The following AGBL3 variants were observed in gnomAD, a reference collection of about 807,000 sequenced individuals.
The protein encoded by AGBL3 is AGBL carboxypeptidase 3.
In AGBL3, 68 loss-of-function variants were observed where a neutral mutation model predicts 94.5. That is an observed-to-expected ratio of 0.72 (90% CI 0.59 to 0.88). AGBL3 has a LOEUF of 0.88. Among genes scored for constraint, AGBL3 ranks in the 40% least tolerant of loss-of-function variants. The pLI is 0.00. For missense variants in AGBL3, 934 were observed against 1,103.8 expected (o/e 0.85, Z 2.18); for synonymous variants, 354 against 370.7 (o/e 0.95, Z 0.52).
chr7:135,065,958 C>G (rs1325517337), intron 12 of AGBL3, among the ~76,000 whole-genome samples: 1 of 152,092 alleles, frequency 6.6e-6, no homozygotes, highest in Non-Finnish European at 1.5e-5. Context: ...GACCTTTATA[C>G]TACACACAAA....
chr7:135,117,281 T>C (rs1313383830), intron 16 of AGBL3, among the ~76,000 whole-genome samples: 1 of 152,226 alleles, frequency 6.6e-6, no homozygotes, highest in Non-Finnish European at 1.5e-5. Flanking sequence ...ATTTAAGGTA[T>C]GTAAATCATC....
At chr7:135,027,303 C>A (rs1313401850) in intron 5 of AGBL3, among the ~76,000 whole-genome samples, 1 of 151,722 alleles carries the variant, frequency 6.6e-6, no homozygotes, top group Non-Finnish European at 1.5e-5. Context: ...CCACCTTGGC[C>A]TTCCAAAGTG....
At chr7:135,052,309 A>G (rs1817950399) in intron 11 of AGBL3, among the ~76,000 whole-genome samples, 1 of 152,186 alleles carries the variant, frequency 6.6e-6, no homozygotes, top group South Asian at 2.1e-4. Flanking sequence ...ATTTTTCAGT[A>G]CATAGGGGTT....
intron 16 of AGBL3, among the ~76,000 whole-genome samples, chr7:135,116,131 G>T (rs1014620028): frequency 6.6e-6 from 1 of 152,146 alleles, no homozygotes; most frequent in Non-Finnish European, 1.5e-5. Flanking sequence ...ATTATCAACA[G>T]ATTTTTATAA....
chr7:135,061,628 AT>A (rs2116704795), intron 12 of AGBL3, among the ~76,000 whole-genome samples: 1 of 152,246 alleles, frequency 6.6e-6, no homozygotes, highest in East Asian at 1.9e-4. Context: ...TCCTAACAGC[AT>A]TTATTGAAGA....
At position 134,987,997 on chromosome 7, in the gene AGBL3, GTA is replaced by G. The variant is rs1809688044; in HGVS notation, c.63+3_63+4del. ...AACAATCAGTGATGAAGATGAATCGGTATGTTTTTCTCAACTTTATTTTACTT... is the reference window on the plus strand; with the variant it reads ...AACAATCAGTGATGAAGATGAATCGGTGTTTTTCTCAACTTTATTTTACTT... On this transcript the variant is annotated splice_donor_variant and splice_donor_region_variant and intron_variant, in intron 2 of 16. Coordinates refer to ENST00000436302, the MANE Select transcript of AGBL3 (RefSeq NM_178563.4). LOFTEE classifies it high-confidence loss of function. 1.3e-6 allele frequency: 2 copies of G among 1,536,260 alleles called. No individual in the cohort carries two copies. The highest frequency in any genetic ancestry group is 2.8e-5 in the African/African-American group (2 of 72,430).
intron 11 of AGBL3, among the ~76,000 whole-genome samples, chr7:135,047,645 T>C (rs116884236): frequency 6.6e-6 from 1 of 152,188 alleles, no homozygotes; most frequent in Non-Finnish European, 1.5e-5. Flanking sequence ...CTTTTTCATA[T>C]ACCTGTTGGC....
intron 15 of AGBL3, among the ~76,000 whole-genome samples, chr7:135,105,526 A>G (rs944797969): frequency 1.3e-5 from 2 of 152,208 alleles, no homozygotes; most frequent in African/African-American, 2.4e-5. Flanking sequence ...AGATTTGTAG[A>G]AGATCAGATG....
At chr7:135,040,948 A>T (rs1273283406) in intron 8 of AGBL3, among the ~76,000 whole-genome samples, 1 of 151,856 alleles carries the variant, frequency 6.6e-6, no homozygotes, top group African/African-American at 2.4e-5. Flanking sequence ...AGGATACAAG[A>T]TCAACCCACA....
At chr7:135,018,443 T>C (rs1490549935) in intron 5 of AGBL3, among the ~76,000 whole-genome samples, 1 of 152,212 alleles carries the variant, frequency 6.6e-6, no homozygotes, top group Non-Finnish European at 1.5e-5. Flanking sequence ...TTTGGAAACG[T>C]ATAATGTGGA....
intron 5 of AGBL3, among the ~76,000 whole-genome samples, chr7:135,021,482 C>G (rs9642010): frequency 6.8e-6 from 1 of 147,812 alleles, no homozygotes; most frequent in Non-Finnish European, 1.5e-5. Flanking sequence ...TTAGTAGAGA[C>G]GGGGTTTCAC....
chr7:135,130,362 T>G (rs1268058949), intron 16 of AGBL3, among the ~76,000 whole-genome samples: 1 of 152,164 alleles, frequency 6.6e-6, no homozygotes, highest in Non-Finnish European at 1.5e-5. Context: ...GTGTATATGC[T>G]CCACTGGTTT....
intron 15 of AGBL3, among the ~76,000 whole-genome samples, chr7:135,110,111 T>G (rs1243962465): frequency 6.6e-6 from 1 of 152,162 alleles, no homozygotes; most frequent in African/African-American, 2.4e-5. Context: ...CTCTGGGAGC[T>G]CTGTCTCAGG....
At chr7:134,993,095 G>A (rs528923679) in intron 3 of AGBL3, among the ~76,000 whole-genome samples, 22 of 152,190 alleles carry the variant, frequency 1.4e-4, no homozygotes, top group Non-Finnish European at 1.3e-4. Context: ...TTGTGACTGA[G>A]TTCACTAGCA....
At chr7:135,041,982 A>G (rs1816899078) in intron 8 of AGBL3, among the ~76,000 whole-genome samples, 2 of 152,318 alleles carry the variant, frequency 1.3e-5, no homozygotes, top group Middle Eastern at 3.4e-3. Flanking sequence ...AGATACAATT[A>G]TATACCTTTA....
At chr7:135,089,502 C>A (rs1821598884) in intron 15 of AGBL3, among the ~76,000 whole-genome samples, 1 of 152,178 alleles carries the variant, frequency 6.6e-6, no homozygotes, top group Non-Finnish European at 1.5e-5. Context: ...TCCACAGTGG[C>A]TCTTGTAGGG....
intron 1 of AGBL3, among the ~76,000 whole-genome samples, 179 bp from the exon 2 acceptor site, chr7:134,987,691 CTCGTA>C (rs1809648147): frequency 6.6e-6 from 1 of 152,072 alleles, no homozygotes; most frequent in Non-Finnish European, 1.5e-5. Context: ...TGGTTGTTGT[CTCGTA>C]TAGTCATGGA....
At chr7:135,018,428 G>C (rs1344624795) in intron 5 of AGBL3, among the ~76,000 whole-genome samples, 1 of 152,218 alleles carries the variant, frequency 6.6e-6, no homozygotes, top group African/African-American at 2.4e-5. Flanking sequence ...ATACAGATCA[G>C]CCTCTTTGGA....
At chr7:135,013,456 A>G (rs1432569832) in intron 4 of AGBL3, among the ~76,000 whole-genome samples, 1 of 152,222 alleles carries the variant, frequency 6.6e-6, no homozygotes, top group Non-Finnish European at 1.5e-5. Context: ...AATTGTGGCA[A>G]TCCATATTAG....
Sources: gnomAD v4.1 joint callset for allele counts (sites outside exome capture counted in the v4.1 genomes callset) on GRCh38, gnomAD v4.1.1 for gene constraint, MANE v1.5 for transcripts, NCBI Gene and HGNC (gene_info 2026-07-23, HGNC 2026-07-21) for gene names.